Variants in LEFTY1 observed in about 807,000 individuals in gnomAD.
LEFTY1 encodes the protein left-right determination factor 1.
LEFTY1 carries 18 observed loss-of-function variants against 22.6 expected under a neutral mutation model. The observed-to-expected ratio is 0.80, with a 90% CI of 0.55 to 1.18. LEFTY1 has a LOEUF of 1.18. Among genes scored for constraint, LEFTY1 ranks in the 50% most tolerant of loss-of-function variants. The pLI, the probability that LEFTY1 is intolerant of heterozygous loss-of-function variation, is 0.00. For missense variants in LEFTY1, 414 were observed against 495.4 expected (o/e 0.84, Z 1.56); for synonymous variants, 201 against 231.5 (o/e 0.87, Z 1.20).
In LEFTY1 at chr1:225,887,811, T is replaced by C; in HGVS notation, c.472A>G (p.Asn158Asp). The change falls in exon 2 of 4, where the codon AAC becomes GAC. Residue 158 changes from asparagine (N) to aspartate (D), a missense_variant. Around this residue, in one of 2 missense-constraint regions of LEFTY1, gnomAD observed 398 missense variants for 454.7 expected, o/e 0.88. Coordinates refer to ENST00000272134, the MANE Select transcript of LEFTY1 (RefSeq NM_020997.4). ...CTGGAGTCGATGAGGGAGGTGCGGT[T>C]GGAGCCGTCGTCGCGGACGCGCAGC... ...EWLRVRDDGSNRTSLIDSRLV... is the reference protein window; with the variant it reads ...EWLRVRDDGSDRTSLIDSRLV... The C allele has an allele frequency of 2.6e-6, 4 of 1,542,048 alleles. No individual in the cohort carries two copies. The highest frequency in any genetic ancestry group is 3.5e-6 in the Non-Finnish European group (4 of 1,149,544).
chr1:225,889,092 C>T lies in LEFTY1; in HGVS notation c.-26G>A. On this transcript the variant is annotated 5_prime_UTR_variant, in exon 1 of 4. Coordinates refer to ENST00000272134, the MANE Select transcript of LEFTY1 (RefSeq NM_020997.4). ...GGTGCTGCCCTGGAGGAGCAAGAGG[C>T]AGAGTGGGGCTGTCCCTTGAGAAGG... 2.1e-6 allele frequency: 3 copies of T among 1,447,242 alleles called. No individual in the cohort carries two copies. Among genetic ancestry groups the T allele is most frequent in the Non-Finnish European group, 1.8e-6 (2 of 1,104,206 alleles). 89.7% of individuals were successfully genotyped at this position (1,447,242 alleles called of 1,614,324 possible).
Position 225,886,533 on chromosome 1 carries a change from C to T in LEFTY1, c.*194G>A, listed in dbSNP as rs1576131133. The T allele has an allele frequency of 4.7e-6, 5 of 1,058,162 alleles. No homozygotes were observed. Among genetic ancestry groups the T allele is most frequent in the Non-Finnish European group, 6.6e-6 (5 of 755,066 alleles). The allele number at this position is 1,058,162 out of a possible 1,614,324, so 65.5% of individuals were successfully genotyped here. A position where few individuals can be genotyped will look rare whatever the true frequency, so the allele number is the denominator to read the frequency against. On this transcript the variant is annotated 3_prime_UTR_variant, in exon 4 of 4. Coordinates refer to ENST00000272134, the MANE Select transcript of LEFTY1 (RefSeq NM_020997.4). ...TAGAGAAAACTGAGCAAGGGCTCTC[C>T]AGTGGCCAAAGATTCTCATTCCTGA...
At position 225,889,018 on chromosome 1, in the gene LEFTY1, TGGCCA is replaced by T. The variant is rs771034519; in HGVS notation, c.44_48del (p.Leu15GlnfsTer236). The T allele has an allele frequency of 6.6e-7, 1 of 1,516,556 alleles. No homozygotes were observed. The highest frequency in any genetic ancestry group is 8.8e-7 in the Non-Finnish European group (1 of 1,133,080). 93.9% of individuals were successfully genotyped at this position (1,516,556 alleles called of 1,614,324 possible). On this transcript the variant is annotated frameshift_variant, in exon 1 of 4. Coordinates refer to ENST00000272134, the MANE Select transcript of LEFTY1 (RefSeq NM_020997.4). LOFTEE classifies it high-confidence loss of function. ...TCCCCGGTCAGGGCGGCCCCGGGGC[TGGCCA>T]GGGGCAACACCCAGAGTGCCCAGCA...
In LEFTY1 at chr1:225,887,021, G is replaced by C. The variant is rs1157818004; in HGVS notation, c.807C>G (p.Tyr269Ter). 1.2e-6 allele frequency: 2 copies of C among 1,603,858 alleles called. No individual in the cohort carries two copies. Among genetic ancestry groups the C allele is most frequent in the South Asian group, 2.2e-5 (2 of 90,102 alleles). ...CCCACTTCATCCCCTGCAGGTCAAT[G>C]TACATCTCCTGGCGGCAGCAGCGGG... is the stretch of plus-strand genomic sequence containing the variant. ...EGTRCCRQEM[Y>*]IDLQGMKWAE... Residue 269 changes from tyrosine (Y) to a stop codon, truncating the protein, a stop_gained, in exon 4 of 4, where the codon TAC becomes TAG. Coordinates refer to ENST00000272134, the MANE Select transcript of LEFTY1 (RefSeq NM_020997.4). LOFTEE classifies it low-confidence loss of function (END_TRUNC).
Position 225,886,892 on chromosome 1 carries a change from C to A in LEFTY1, c.936G>T (p.Gly312=). 6.2e-7 allele frequency: 1 copy of A among 1,613,914 alleles called. No homozygotes were observed. The highest frequency in any genetic ancestry group is 2.2e-5 in the East Asian group (1 of 44,886). Residue 312 remains glycine, a synonymous_variant, in exon 4 of 4, where the codon GGG becomes GGT. Transcript: ENST00000272134. The stretch of plus-strand genomic sequence containing the variant: ...TCTCCGAGGCGATGCACTGTCGAGG[C>A]CCCAGAAACGGCCACTTGAAGGCCA... ...EALAFKWPFL[G]PRQCIASETD... is the part of the protein sequence containing the mutation.
At chr1:225,888,076 G>A (rs1455813061) in intron 1 of LEFTY1, 44 bp from the exon 2 acceptor site, 3 of 1,587,294 alleles carry the variant, frequency 1.9e-6, no homozygotes, top group Non-Finnish European at 2.5e-6. Context: ...CCGACTCCAG[G>A]GGAGCTCTGA....
Position 225,886,654 on chromosome 1 carries a change from C to G in LEFTY1, c.*73G>C. 6.2e-7 allele frequency: 1 copy of G among 1,600,776 alleles called. No homozygotes were observed. Among genetic ancestry groups the G allele is most frequent in the Non-Finnish European group, 8.5e-7 (1 of 1,174,662 alleles). ...TTGTCCATCAGCAGTTCAGTCATCG[C>G]CAGCTCTCCTGGTACCCTCGAACAC... is the stretch of plus-strand genomic sequence containing the variant. On this transcript the variant is annotated 3_prime_UTR_variant, in exon 4 of 4. Coordinates refer to ENST00000272134, the MANE Select transcript of LEFTY1 (RefSeq NM_020997.4).
Position 225,887,433 on chromosome 1 carries a change from G to C in LEFTY1, c.703C>G (p.Leu235Val). ...CCAAGGTCCAGGGTGTGCAGCTCCA[G>C]CTGGGGCTCCCCAAGCCCGGCTGGC... ...GAPAGLGEPQ[L>V]ELHTLDLGDY... Residue 235 changes from leucine to valine, a missense_variant, in exon 3 of 4, where the codon CTG becomes GTG. By Grantham distance (32) the Leu-to-Val change is conservative. Around this residue, in one of 2 missense-constraint regions of LEFTY1, gnomAD observed 398 missense variants for 454.7 expected, o/e 0.88. Transcript: ENST00000272134. 6.2e-7 allele frequency: 1 copy of C among 1,613,526 alleles called. No individual in the cohort carries two copies. Among genetic ancestry groups the C allele is most frequent in the African/African-American group, 1.3e-5 (1 of 75,060 alleles).
intron 3 of LEFTY1, 86 bp downstream of exon 3, chr1:225,887,313 A>C: frequency 6.3e-7 from 1 of 1,591,310 alleles, no homozygotes; most frequent in Non-Finnish European, 8.6e-7. Flanking sequence ...TCATTCCCAC[A>C]GCACTCTGAA....
At chr1:225,888,259 G>C (rs1671330295) in intron 1 of LEFTY1, among the ~76,000 whole-genome samples, 1 of 152,194 alleles carries the variant, frequency 6.6e-6, no homozygotes, top group Non-Finnish European at 1.5e-5. Flanking sequence ...TGCCTCAGCT[G>C]AGATGCTGGG....
In LEFTY1 at chr1:225,886,496, G is replaced by T; in HGVS notation, c.*231C>A. The T allele has an allele frequency of 2.7e-6, 2 of 746,586 alleles. No individual in the cohort carries two copies. The highest frequency in any genetic ancestry group is 4.2e-6 in the Non-Finnish European group (2 of 476,182). 46.2% of individuals were successfully genotyped at this position (746,586 alleles called of 1,614,324 possible). On this transcript the variant is annotated 3_prime_UTR_variant, in exon 4 of 4. Coordinates refer to ENST00000272134, the MANE Select transcript of LEFTY1 (RefSeq NM_020997.4). ...GTAAGTGCTTAGAATATAGTGCAGT[G>T]AATAATAAGAATAGAGAAAACTGAG...
Position 225,886,416 on chromosome 1 carries a change from C to G in LEFTY1, c.*311G>C. 1 of 403,832 alleles carries G rather than the reference C, an allele frequency of 2.5e-6. No homozygotes were observed. The highest frequency in any genetic ancestry group is 4.4e-6 in the Non-Finnish European group (1 of 225,946). The allele number at this position is 403,832 out of a possible 1,614,324, so 25.0% of individuals were successfully genotyped here. A position where few individuals can be genotyped will look rare whatever the true frequency, so the allele number is the denominator to read the frequency against. ...CTTTAGCCCAGATCCAGTGACAGGA[C>G]AAGTAAACAATGACACATTGGGCTT... On this transcript the variant is annotated 3_prime_UTR_variant, in exon 4 of 4. Coordinates refer to ENST00000272134, the MANE Select transcript of LEFTY1 (RefSeq NM_020997.4).
rs570726921 is a variant in LEFTY1, at chr1:225,888,884, G to C, written c.183C>G (p.Tyr61Ter). Reference sequence around the variant, plus strand: ...CGTGGCTGCGCTGCAGCAGGGCCACGTACTGGGCCCTCACGTGGGTGGGGA... The same window carrying C: ...CGTGGCTGCGCTGCAGCAGGGCCACCTACTGGGCCCTCACGTGGGTGGGGA... ...LVIPTHVRAQ[Y>*]VALLQRSHGD... Residue 61 changes from tyrosine (Y) to a stop codon, truncating the protein, a stop_gained, in exon 1 of 4, where the codon TAC (tyrosine) becomes TAG (stop). Transcript: ENST00000272134. LOFTEE classifies it high-confidence loss of function. 1 of 1,613,172 alleles carries C rather than the reference G, an allele frequency of 6.2e-7. No homozygotes were observed. The highest frequency in any genetic ancestry group is 8.5e-7 in the Non-Finnish European group (1 of 1,179,884).
At position 225,886,568 on chromosome 1, in the gene LEFTY1, A is replaced by T; in HGVS notation, c.*159T>A. On this transcript the variant is annotated 3_prime_UTR_variant, in exon 4 of 4. Coordinates refer to ENST00000272134, the MANE Select transcript of LEFTY1 (RefSeq NM_020997.4). ...AGATTCTCATTCCTGAGAAGCAAAAATTAGGTGAGGTAACTTGTCAGAGGA... is the reference window on the plus strand; with the variant it reads ...AGATTCTCATTCCTGAGAAGCAAAATTTAGGTGAGGTAACTTGTCAGAGGA... 1.4e-6 allele frequency: 2 copies of T among 1,419,278 alleles called. No homozygotes were observed. Among genetic ancestry groups the T allele is most frequent in the African/African-American group, 1.4e-5 (1 of 69,830 alleles). The allele number at this position is 1,419,278 out of a possible 1,614,324, so 87.9% of individuals were successfully genotyped here.
In LEFTY1 at chr1:225,886,826, G is replaced by C; in HGVS notation, c.1002C>G (p.Gly334=). The part of the protein sequence containing the change: ...LPMIVSIKEG[G]RTRPQVVSLP... ...GGCTGACCACCTGGGGCCTGGTCCT[G>C]CCTCCCTCCTTGATGCTGACGATCA... is the stretch of plus-strand genomic sequence containing the variant. Residue 334 remains glycine, a synonymous_variant, in exon 4 of 4, where the codon GGC becomes GGG. Coordinates refer to ENST00000272134, the MANE Select transcript of LEFTY1 (RefSeq NM_020997.4). The C allele has an allele frequency of 6.2e-7, 1 of 1,613,900 alleles. No homozygotes were observed. Among genetic ancestry groups the C allele is most frequent in the Non-Finnish European group, 8.5e-7 (1 of 1,180,046 alleles).
chr1:225,887,346 T>C, intron 3 of LEFTY1, 53 bp downstream of exon 3: 1 of 1,605,528 alleles, frequency 6.2e-7, no homozygotes. Context: ...TCAAAATAAA[T>C]GTAATTGCCT....
rs1671302144 is a variant in LEFTY1 at position 225,887,395 on chromosome 1, C to T, written c.737+4G>A. The T allele has an allele frequency of 1.9e-6, 3 of 1,613,532 alleles. No homozygotes were observed. The highest frequency in any genetic ancestry group is 2.5e-6 in the Non-Finnish European group (3 of 1,179,900). ...GGCTTACCAGTTTGACCCTCAGCAC[C>T]TACCCATAGTCCCCAAGGTCCAGGG... On this transcript the variant is annotated splice_donor_region_variant and intron_variant, in intron 3 of 3. Coordinates refer to ENST00000272134, the MANE Select transcript of LEFTY1 (RefSeq NM_020997.4).
Position 225,886,691 on chromosome 1 carries a change from A to G in LEFTY1, c.*36T>C, listed in dbSNP as rs754967971. The G allele has an allele frequency of 6.2e-7, 1 of 1,612,552 alleles. No individual in the cohort carries two copies. Among genetic ancestry groups the G allele is most frequent in the East Asian group, 2.2e-5 (1 of 44,888 alleles). Reference sequence around the variant, plus strand: ...GTACCCTCGAACACTTCAGAAACACACACAAGTCAAGTCCCTCGATGGCTA... The same window carrying G: ...GTACCCTCGAACACTTCAGAAACACGCACAAGTCAAGTCCCTCGATGGCTA... On this transcript the variant is annotated 3_prime_UTR_variant, in exon 4 of 4. Coordinates refer to ENST00000272134, the MANE Select transcript of LEFTY1 (RefSeq NM_020997.4).
Position 225,888,016 on chromosome 1 carries a change from G to A in LEFTY1, c.267C>T (p.Phe89=), listed in dbSNP as rs1336451314. ...SQSFREVAGR[F]LALEASTHLL... ...GGTGTGTGCTGGCCTCCAACGCCAG[G>A]AACCTGCCGGCCACCTCTGGGGACA... Residue 89 remains phenylalanine, a synonymous_variant, in exon 2 of 4, where the codon TTC becomes TTT. Coordinates refer to ENST00000272134, the MANE Select transcript of LEFTY1 (RefSeq NM_020997.4). 24 of 1,591,072 alleles carry A rather than the reference G, an allele frequency of 1.5e-5. No homozygotes were observed. In the Admixed American group the frequency reaches 3.9e-4, roughly 26 times the overall value.
Sources: gnomAD v4.1 joint callset for allele counts (sites outside exome capture counted in the v4.1 genomes callset) on GRCh38, gnomAD v4.1.1 for gene constraint, gnomAD v4.1.1 regional missense constraint, MANE v1.5 for transcripts, NCBI Gene and HGNC (gene_info 2026-07-23, HGNC 2026-07-21) for gene names.